HK2: variants seen among roughly 807,000 people sequenced by gnomAD.
The protein encoded by HK2 is hexokinase 2.
In HK2, 42 loss-of-function variants were observed where a neutral mutation model predicts 92.9. That is an observed-to-expected ratio of 0.45 (90% CI 0.35 to 0.58). The LOEUF is 0.58. Among genes scored for constraint, HK2 ranks in the 20% least tolerant of loss-of-function variants. The probability of loss-of-function intolerance (pLI) is 0.00; values close to 1 mark genes in which losing one functional copy is unlikely to be tolerated. For synonymous variants in HK2, 422 were observed against 468.0 expected (o/e 0.90, Z 1.27); for missense variants, 978 against 1,245.1 (o/e 0.79, Z 3.23).
At chr2:74,886,454 G>A (rs767426763) in intron 14 of HK2, 36 bp from the exon 15 acceptor site, 7 of 1,614,038 alleles carry the variant, frequency 4.3e-6, no homozygotes, top group Non-Finnish European at 5.9e-6. Flanking sequence ...GGAGGGGTTG[G>A]TGCTGAGTGA....
At chr2:74,878,415 G>C (rs975815991) in intron 8 of HK2, among the ~76,000 whole-genome samples, 24 of 36,996 alleles carry the variant, frequency 6.5e-4, no homozygotes, top group Admixed American at 4.0e-3. Flanking sequence ...GTGTGTCTCT[G>C]TGTGTGTGTG....
At chr2:74,853,241 GTGTGGTGGCTCGC>G (rs1217299025) in intron 1 of HK2, among the ~76,000 whole-genome samples, 1 of 152,170 alleles carries the variant, frequency 6.6e-6, no homozygotes, top group Non-Finnish European at 1.5e-5. Context: ...GTGGGGCCGG[GTGTGGTGGCTCGC>G]TCCTTTAATC....
At chr2:74,838,149 A>C (rs548436521) in intron 1 of HK2, among the ~76,000 whole-genome samples, 2 of 152,214 alleles carry the variant, frequency 1.3e-5, no homozygotes, top group East Asian at 3.9e-4. Context: ...ACCATCTGTT[A>C]GAGTTGATGG....
At chr2:74,846,742 C>T (rs936000310) in intron 1 of HK2, among the ~76,000 whole-genome samples, 2 of 152,156 alleles carry the variant, frequency 1.3e-5, no homozygotes, top group African/African-American at 2.4e-5. Context: ...ACAGCCTTGA[C>T]CTCCTGGCTT....
intron 3 of HK2, among the ~76,000 whole-genome samples, chr2:74,868,858 A>T (rs142007819): frequency 1.3e-5 from 2 of 152,356 alleles, no homozygotes; most frequent in Non-Finnish European, 2.9e-5. Context: ...GTTTTACAAG[A>T]ACAACACCCT....
chr2:74,878,718 G>T lies in HK2; in HGVS notation c.1062G>T (p.Glu354Asp). The T allele has an allele frequency of 6.2e-7, 1 of 1,607,288 alleles. No individual in the cohort carries two copies. The highest frequency in any genetic ancestry group is 8.5e-7 in the Non-Finnish European group (1 of 1,176,918). Residue 354 changes from glutamate to aspartate, a missense_variant, in exon 9 of 18, where the codon GAG (glutamate) becomes GAT (aspartate). Physicochemically the swap from Glu to Asp is conservative, Grantham distance 45. This residue lies in a region of HK2 where 742 missense variants were observed against 922.5 expected (regional missense o/e 0.80). Transcript: ENST00000290573. ...AGGATGGCATCCGGAAGGCCCGTGAGGTCCTGATGCGGTTGGGCCTGGACC... is the reference window on the plus strand; with the variant it reads ...AGGATGGCATCCGGAAGGCCCGTGATGTCCTGATGCGGTTGGGCCTGGACC... ...GEKDGIRKAR[E>D]VLMRLGLDPT... is the part of the protein sequence containing the mutation.
At position 74,878,595 on chromosome 2, in the gene HK2, C is replaced by G. The variant is rs1260919822; in HGVS notation, c.1032-93C>G. ...CTGTCCCCACTGGGTGGTGAATTTG[C>G]TGGAACTAAAGGGCTTCCTTGCCAC... On this transcript the variant is annotated intron_variant, in intron 8 of 17. Transcript: ENST00000290573. The G allele has an allele frequency of 3.1e-6, 3 of 974,362 alleles. No homozygotes were observed. The African/African-American group carries it at 4.8e-5, about 16-fold the overall frequency. The allele number at this position is 974,362 out of a possible 1,614,324, so 60.4% of individuals were successfully genotyped here.
At chr2:74,873,233 G>C in intron 4 of HK2, 43 bp from the exon 5 acceptor site, 1 of 1,464,092 alleles carries the variant, frequency 6.8e-7, no homozygotes, top group Non-Finnish European at 9.6e-7. Flanking sequence ...GTGAGTTTCA[G>C]TTTTAGTGGG....
In HK2 at chr2:74,885,533, G is replaced by A; in HGVS notation, c.1879G>A (p.Gly627Ser). The A allele has an allele frequency of 6.2e-7, 1 of 1,614,032 alleles. No homozygotes were observed. The highest frequency in any genetic ancestry group is 8.5e-7 in the Non-Finnish European group (1 of 1,179,932). Residue 627 changes from glycine to serine, a missense_variant, in exon 13 of 18, where the codon GGC (glycine) becomes AGC (serine). Around this residue, in one of 3 missense-constraint regions of HK2, gnomAD observed 742 missense variants for 922.5 expected, o/e 0.80. Transcript: ENST00000290573. Reference sequence around the variant, plus strand: ...GTGGACAAAAGGCTTCAAGGCATCTGGCTGCGAGGGCGAGGACGTGGTGAC... The same window carrying A: ...GTGGACAAAAGGCTTCAAGGCATCTAGCTGCGAGGGCGAGGACGTGGTGAC... ...LKWTKGFKAS[G>S]CEGEDVVTLL... is the part of the protein sequence containing the mutation.
At chr2:74,883,982 A>G (rs1020538244) in intron 12 of HK2, among the ~76,000 whole-genome samples, 4 of 152,240 alleles carry the variant, frequency 2.6e-5, no homozygotes, top group Non-Finnish European at 5.9e-5. Flanking sequence ...TAATCTCTTT[A>G]TAAAAAAACA....
intron 16 of HK2, among the ~76,000 whole-genome samples, 156 bp downstream of exon 16, chr2:74,888,214 A>G (rs1163360630): frequency 6.6e-6 from 1 of 152,256 alleles, no homozygotes; most frequent in Non-Finnish European, 1.5e-5. Context: ...AAAGCACATT[A>G]TGGGCAGTTG....
chr2:74,839,659 A>ATTTTT (rs10675736), intron 1 of HK2, among the ~76,000 whole-genome samples: 10 of 143,264 alleles, frequency 7.0e-5, no homozygotes, highest in East Asian at 2.0e-4. Flanking sequence ...GCCAAAGTCA[A>ATTTTT]TTTTTTTTTT....
At chr2:74,837,382 A>C (rs1387893896) in intron 1 of HK2, among the ~76,000 whole-genome samples, 1 of 152,134 alleles carries the variant, frequency 6.6e-6, no homozygotes, top group African/African-American at 2.4e-5. Flanking sequence ...AGATGGAACT[A>C]GCTCTTCTGT....
intron 17 of HK2, among the ~76,000 whole-genome samples, chr2:74,890,452 C>G (rs1219821789): frequency 6.6e-6 from 1 of 152,190 alleles, no homozygotes; most frequent in Admixed American, 6.5e-5. Context: ...CTCTGTTAGG[C>G]ACACTTGTGG....
intron 2 of HK2, among the ~76,000 whole-genome samples, chr2:74,856,650 A>G (rs1688702931): frequency 6.6e-6 from 1 of 152,202 alleles, no homozygotes. Context: ...GTATTAACTC[A>G]TTTACTTTTC....
intron 4 of HK2, 50 bp downstream of exon 4, chr2:74,872,469 G>A: frequency 1.2e-6 from 2 of 1,611,342 alleles, no homozygotes; most frequent in Non-Finnish European, 1.7e-6. Context: ...GGGCTGGGAG[G>A]GCTGAGAGGG....
At chr2:74,879,062 C>T in intron 9 of HK2, 141 bp downstream of exon 9, 1 of 771,308 alleles carries the variant, frequency 1.3e-6, no homozygotes, top group Non-Finnish European at 2.3e-6. Context: ...AATGAAAGTT[C>T]CCACCTGGGC....
intron 8 of HK2, 51 bp from the exon 9 acceptor site, chr2:74,878,637 T>C (rs756301704): frequency 1.4e-6 from 2 of 1,441,458 alleles, no homozygotes; most frequent in Non-Finnish European, 1.9e-6. Flanking sequence ...ACACACACAC[T>C]GGCCACAGTG....
At chr2:74,849,516 C>T (rs530053819) in intron 1 of HK2, among the ~76,000 whole-genome samples, 42 of 152,308 alleles carry the variant, frequency 2.8e-4, no homozygotes, top group South Asian at 1.0e-3. Flanking sequence ...AATGCCCCCT[C>T]CTCCTTTCCT....
Sources: allele counts gnomAD v4.1 joint callset (sites outside exome capture counted in the v4.1 genomes callset), GRCh38; gene constraint gnomAD v4.1.1; regional missense constraint gnomAD v4.1.1; transcripts MANE v1.5; gene names NCBI Gene and HGNC (gene_info 2026-07-23, HGNC 2026-07-21).